The following TMEM88 variants were observed in gnomAD, a reference collection of about 807,000 sequenced individuals.
TMEM88 encodes transmembrane protein 88.
TMEM88 carries 8 observed loss-of-function variants against 10.0 expected under a neutral mutation model. That is an observed-to-expected ratio of 0.80 (90% confidence interval 0.47 to 1.44). TMEM88 has a LOEUF of 1.44. Ranked by LOEUF, TMEM88 falls within the 40% of genes most tolerant of loss-of-function variation. TMEM88 has a pLI of 0.00. For synonymous variants in TMEM88, 139 were observed against 104.9 expected, an observed-to-expected ratio of 1.33 and a Z score of -1.99; for missense variants, 255 against 217.8, an observed-to-expected ratio of 1.17 and a Z score of -1.07.
chr17:7,855,963 C>G lies in TMEM88; in HGVS notation c.*249C>G. 7.7e-7 allele frequency: 1 copy of G among 1,304,618 alleles called. No homozygotes were observed. Among genetic ancestry groups the G allele is most frequent in the Non-Finnish European group, 9.7e-7 (1 of 1,027,890 alleles). The allele number at this position is 1,304,618 out of a possible 1,614,324, so 80.8% of individuals were successfully genotyped here. On this transcript the variant is annotated 3_prime_UTR_variant, in exon 2 of 2. Transcript: ENST00000301599. ...CTAGGCTGGAACCTGCACACCTCCC[C>G]CTCAGCTCCGTCGTGAATGGGACAA... is the stretch of plus-strand genomic sequence containing the variant.
At position 7,855,264 on chromosome 17, in the gene TMEM88, G is replaced by A. The variant is rs543355484; in HGVS notation, c.190G>A (p.Gly64Ser). ...LLPAVTMLGF[G>S]FLCHSQFLRS... is the part of the protein sequence containing the mutation. ...ACCCGCTGTCACCATGCTGGGCTTC[G>A]GCTTCCTCTGCCACTCTCAGGTGAG... Residue 64 changes from glycine to serine, a missense_variant, in exon 1 of 2, where the codon GGC becomes AGC. By Grantham distance (56) the Gly-to-Ser change is moderately conservative (BLOSUM62 0). Transcript: ENST00000301599. The A allele has an allele frequency of 4.7e-5, 75 of 1,599,466 alleles. No individual in the cohort carries two copies. Among genetic ancestry groups the A allele is most frequent in the African/African-American group, 1.1e-4 (8 of 74,862 alleles).
rs536407978 is a variant in TMEM88, at chr17:7,855,673, G to C, written c.439G>C (p.Gly147Arg). Residue 147 changes from glycine to arginine, a missense_variant, in exon 2 of 2, where the codon GGG becomes CGG. Physicochemically the swap from Gly to Arg is moderately radical, Grantham distance 125. Coordinates refer to ENST00000301599, the MANE Select transcript of TMEM88 (RefSeq NM_203411.2). ...PQPRQIRASP[G>R]SQAVPTSGKV... Reference sequence around the variant, plus strand: ...GCCGCGGCAAATCCGGGCCTCACCAGGGTCCCAGGCCGTTCCCACATCAGG... The same window carrying C: ...GCCGCGGCAAATCCGGGCCTCACCACGGTCCCAGGCCGTTCCCACATCAGG... The C allele has an allele frequency of 1.2e-6, 2 of 1,603,078 alleles. No individual in the cohort carries two copies. Among genetic ancestry groups the C allele is most frequent in the African/African-American group, 1.3e-5 (1 of 74,940 alleles).
intron 1 of TMEM88, 38 bp from the exon 2 acceptor site, chr17:7,855,407 G>C: frequency 1.3e-6 from 2 of 1,596,846 alleles, no homozygotes; most frequent in Non-Finnish European, 1.7e-6. Flanking sequence ...GCACAGTATC[G>C]CCTGGTCGGC....
Position 7,855,175 on chromosome 17 carries a change from A to T in TMEM88, c.101A>T (p.Gln34Leu), listed in dbSNP as rs767622312. The change falls in exon 1 of 2, where the codon CAG becomes CTG. Residue 34 changes from glutamine to leucine, a missense_variant. Coordinates refer to ENST00000301599, the MANE Select transcript of TMEM88 (RefSeq NM_203411.2). ...GCCTGCGCTGTTCTTGTAACAGCCC[A>T]GAATCTGCTGGTGGCTGCCTTCAAT... is the stretch of plus-strand genomic sequence containing the variant. ...CWACAVLVTA[Q>L]NLLVAAFNLL... The T allele has an allele frequency of 6.2e-7, 1 of 1,611,608 alleles. No homozygotes were observed. Among genetic ancestry groups the T allele is most frequent in the Middle Eastern group, 1.7e-4 (1 of 6,036 alleles).
Position 7,855,615 on chromosome 17 carries a change from C to T in TMEM88, c.381C>T (p.Ser127=), listed in dbSNP as rs1325198898. 2 of 1,608,850 alleles carry T rather than the reference C, an allele frequency of 1.2e-6. No individual in the cohort carries two copies. The highest frequency in any genetic ancestry group is 1.3e-5 in the African/African-American group (1 of 75,060). The part of the protein sequence containing the change: ...LRLADCLVPY[S]RALYRRRRAP... ...TAGCCGATTGCCTCGTGCCCTACAG[C>T]CGAGCCCTTTATCGGCGTCGGCGCG... Residue 127 remains serine (S), a synonymous_variant, in exon 2 of 2, where the codon AGC becomes AGT. Transcript: ENST00000301599.
Position 7,855,492 on chromosome 17 carries a change from C to T in TMEM88, c.258C>T (p.Pro86=), listed in dbSNP as rs1317248641. 5 of 1,608,156 alleles carry T rather than the reference C, an allele frequency of 3.1e-6. No individual in the cohort carries two copies. The highest frequency in any genetic ancestry group is 3.4e-6 in the Non-Finnish European group (4 of 1,179,916). ...CTTGCACCGCGCACCTGCGGGACCC[C>T]GGTTTCACGGCCCTACTGGTCACCG... ...APPCTAHLRD[P]GFTALLVTGF... Residue 86 remains proline (P), a synonymous_variant, in exon 2 of 2, where the codon CCC becomes CCT. Coordinates refer to ENST00000301599, the MANE Select transcript of TMEM88 (RefSeq NM_203411.2).
chr17:7,855,353 C>A, intron 1 of TMEM88, 69 bp downstream of exon 1: 4 of 1,589,288 alleles, frequency 2.5e-6, no homozygotes, highest in East Asian at 2.2e-5. Context: ...GCGGTGGGGT[C>A]TATGGGCCAC....
rs1014382204 is a variant in TMEM88 at position 7,855,877 on chromosome 17, A to G, written c.*163A>G. The G allele has an allele frequency of 2.9e-6, 4 of 1,394,184 alleles. No individual in the cohort carries two copies. The highest frequency in any genetic ancestry group is 1.5e-5 in the African/African-American group (1 of 68,430). 86.4% of individuals were successfully genotyped at this position (1,394,184 alleles called of 1,614,324 possible). ...GCGTCAGTGGACCCAGTGCTGAGAA[A>G]AGCCCCCACATCCCGGAAAACCCAC... On this transcript the variant is annotated 3_prime_UTR_variant, in exon 2 of 2. Transcript: ENST00000301599.
In TMEM88 at chr17:7,855,787, T is replaced by C; in HGVS notation, c.*73T>C. 1 of 1,443,924 alleles carries C rather than the reference T, an allele frequency of 6.9e-7. No individual in the cohort carries two copies. Among genetic ancestry groups the C allele is most frequent in the Non-Finnish European group, 9.1e-7 (1 of 1,099,812 alleles). The allele number at this position is 1,443,924 out of a possible 1,614,324, so 89.4% of individuals were successfully genotyped here. A position where few individuals can be genotyped will look rare whatever the true frequency, so the allele number is the denominator to read the frequency against. ...CGGCCCAAGGACTTGAAGCCCGGCA[T>C]CTTCCGACCTGCCCTGCCCCCACCC... On this transcript the variant is annotated 3_prime_UTR_variant, in exon 2 of 2. Transcript: ENST00000301599.
In TMEM88 at chr17:7,855,923, C is replaced by A; in HGVS notation, c.*209C>A. 7.2e-7 allele frequency: 1 copy of A among 1,380,428 alleles called. No homozygotes were observed. Among genetic ancestry groups the A allele is most frequent in the Non-Finnish European group, 9.3e-7 (1 of 1,070,328 alleles). The allele number at this position is 1,380,428 out of a possible 1,614,324, so 85.5% of individuals were successfully genotyped here. A position where few individuals can be genotyped will look rare whatever the true frequency, so the allele number is the denominator to read the frequency against. On this transcript the variant is annotated 3_prime_UTR_variant, in exon 2 of 2. Transcript: ENST00000301599. Reference sequence around the variant, plus strand: ...CCCACTTTCCTTTCACGACCCACATCTCAATCCTGAACATCTAGGCTGGAA... The same window carrying A: ...CCCACTTTCCTTTCACGACCCACATATCAATCCTGAACATCTAGGCTGGAA...
Position 7,855,722 on chromosome 17 carries a change from C to G in TMEM88, c.*8C>G, listed in dbSNP as rs764780909. The G allele has an allele frequency of 2.1e-5, 33 of 1,536,828 alleles. No homozygotes were observed. The highest frequency in any genetic ancestry group is 3.4e-4 in the Middle Eastern group (2 of 5,856). Reference sequence around the variant, plus strand: ...GGAAAGGTCTGGGTCTAATGACCCTCGAGTCAAGAACAACCCTGACGGCTG... The same window carrying G: ...GGAAAGGTCTGGGTCTAATGACCCTGGAGTCAAGAACAACCCTGACGGCTG... On this transcript the variant is annotated 3_prime_UTR_variant, in exon 2 of 2. Coordinates refer to ENST00000301599, the MANE Select transcript of TMEM88 (RefSeq NM_203411.2).
At position 7,855,749 on chromosome 17, in the gene TMEM88, C is replaced by G; in HGVS notation, c.*35C>G. On this transcript the variant is annotated 3_prime_UTR_variant, in exon 2 of 2. Coordinates refer to ENST00000301599, the MANE Select transcript of TMEM88 (RefSeq NM_203411.2). The stretch of plus-strand genomic sequence containing the variant: ...AGTCAAGAACAACCCTGACGGCTGC[C>G]CTCCCTCTTATTCGGCCCAAGGACT... 6.7e-7 allele frequency: 1 copy of G among 1,481,808 alleles called. No homozygotes were observed. Among genetic ancestry groups the G allele is most frequent in the Non-Finnish European group, 9.0e-7 (1 of 1,113,946 alleles). The allele number at this position is 1,481,808 out of a possible 1,614,324, so 91.8% of individuals were successfully genotyped here.
At position 7,855,275 on chromosome 17, in the gene TMEM88, C is replaced by T. The variant is rs373749404; in HGVS notation, c.201C>T (p.Cys67=). The change falls in exon 1 of 2, where the codon TGC becomes TGT. Residue 67 remains cysteine (C), a synonymous_variant. Coordinates refer to ENST00000301599, the MANE Select transcript of TMEM88 (RefSeq NM_203411.2). The stretch of plus-strand genomic sequence containing the variant: ...CCATGCTGGGCTTCGGCTTCCTCTG[C>T]CACTCTCAGGTGAGCGTGCGCCCCG... ...AVTMLGFGFL[C]HSQFLRSQAP... 31 of 1,598,474 alleles carry T rather than the reference C, an allele frequency of 1.9e-5. No individual in the cohort carries two copies. The highest frequency in any genetic ancestry group is 2.6e-5 in the Non-Finnish European group (30 of 1,173,412).
Position 7,855,926 on chromosome 17 carries a change from A to G in TMEM88, c.*212A>G. On this transcript the variant is annotated 3_prime_UTR_variant, in exon 2 of 2. Transcript: ENST00000301599. Reference sequence around the variant, plus strand: ...ACTTTCCTTTCACGACCCACATCTCAATCCTGAACATCTAGGCTGGAACCT... The same window carrying G: ...ACTTTCCTTTCACGACCCACATCTCGATCCTGAACATCTAGGCTGGAACCT... 7.3e-7 allele frequency: 1 copy of G among 1,367,056 alleles called. No individual in the cohort carries two copies. The highest frequency in any genetic ancestry group is 9.4e-7 in the Non-Finnish European group (1 of 1,062,804). 84.7% of individuals were successfully genotyped at this position (1,367,056 alleles called of 1,614,324 possible).
Position 7,855,447 on chromosome 17 carries a change from C to T in TMEM88, c.213C>T (p.Phe71=), listed in dbSNP as rs368871230. The change falls in exon 2 of 2, where the codon TTC becomes TTT. Residue 71 remains phenylalanine, a splice_region_variant and synonymous_variant. Transcript: ENST00000301599. ...LGFGFLCHSQ[F]LRSQAPPCTA... ...GCCTGACGCCTCTTCTCCCACAGTT[C>T]CTGCGCTCCCAGGCACCCCCTTGCA... is the stretch of plus-strand genomic sequence containing the variant. 1.9e-6 allele frequency: 3 copies of T among 1,603,312 alleles called. No homozygotes were observed. Among genetic ancestry groups the T allele is most frequent in the South Asian group, 1.1e-5 (1 of 90,988 alleles).
chr17:7,855,387 T>C (rs1597867007), intron 1 of TMEM88, 58 bp from the exon 2 acceptor site: 6 of 1,593,026 alleles, frequency 3.8e-6, no homozygotes, highest in East Asian at 4.5e-5. Context: ...CTGGGCTGTT[T>C]CCACCCCGTG....
rs764780909 is a variant in TMEM88, at chr17:7,855,722, C to T, written c.*8C>T. 4 of 1,536,828 alleles carry T rather than the reference C, an allele frequency of 2.6e-6. No individual in the cohort carries two copies. The highest frequency in any genetic ancestry group is 1.2e-5 in the South Asian group (1 of 83,218). On this transcript the variant is annotated 3_prime_UTR_variant, in exon 2 of 2. Coordinates refer to ENST00000301599, the MANE Select transcript of TMEM88 (RefSeq NM_203411.2). ...GGAAAGGTCTGGGTCTAATGACCCT[C>T]GAGTCAAGAACAACCCTGACGGCTG... is the stretch of plus-strand genomic sequence containing the variant.
rs1034595885 is a variant in TMEM88, at chr17:7,855,995, C to T, written c.*281C>T. 5.5e-6 allele frequency: 7 copies of T among 1,262,124 alleles called. No individual in the cohort carries two copies. The highest frequency in any genetic ancestry group is 6.0e-6 in the Non-Finnish European group (6 of 1,001,706). 78.2% of individuals were successfully genotyped at this position (1,262,124 alleles called of 1,614,324 possible). Reference sequence around the variant, plus strand: ...TCCGTCGTGAATGGGACAACAATCTCGTGCCCTCGTTTTATGGTGCAGCTT... The same window carrying T: ...TCCGTCGTGAATGGGACAACAATCTTGTGCCCTCGTTTTATGGTGCAGCTT... On this transcript the variant is annotated 3_prime_UTR_variant, in exon 2 of 2. Transcript: ENST00000301599.
intron 1 of TMEM88, 74 bp from the exon 2 acceptor site, chr17:7,855,371 A>G (rs1430867395): frequency 6.3e-7 from 1 of 1,590,024 alleles, no homozygotes; most frequent in Non-Finnish European, 8.5e-7. Context: ...CACAACTTCA[A>G]CCCGCCTGGG....
Sources: allele counts gnomAD v4.1 joint callset, GRCh38; gene constraint gnomAD v4.1.1; transcripts MANE v1.5; gene names NCBI Gene and HGNC (gene_info 2026-07-23, HGNC 2026-07-21).